The following CACNG2 variants were observed in gnomAD, a reference collection of about 807,000 sequenced individuals.
The protein encoded by CACNG2 is calcium voltage-gated channel auxiliary subunit gamma 2.
Under a neutral mutation model 25.9 loss-of-function variants are expected in CACNG2, and 3 were observed. The observed-to-expected ratio is 0.12, with a 90% CI of 0.05 to 0.30. CACNG2 has a LOEUF of 0.30. CACNG2 is among the 10% of genes least tolerant of loss of function. The pLI is 1.00. For synonymous variants in CACNG2, 167 were observed against 173.3 expected (o/e 0.96, Z 0.29); for missense variants, 341 against 432.5 (o/e 0.79, Z 1.88).
intron 1 of CACNG2, among the ~76,000 whole-genome samples, chr22:36,684,893 A>G (rs922206499): frequency 5.3e-5 from 8 of 152,156 alleles, no homozygotes; most frequent in East Asian, 1.9e-4. Context: ...CTGATGCCCA[A>G]ACTGGGCTCT....
At chr22:36,601,752 A>C (rs1040010815) in intron 1 of CACNG2, among the ~76,000 whole-genome samples, 1 of 152,184 alleles carries the variant, frequency 6.6e-6, no homozygotes, top group Non-Finnish European at 1.5e-5. Flanking sequence ...TGAAGGGCTG[A>C]GATTACAAGC....
At position 36,594,542 on chromosome 22, in the gene CACNG2, C is replaced by A. The variant is rs542285322; in HGVS notation, c.212-6994G>T. Among the ~76,000 whole-genome samples the A allele has an allele frequency of 2.0e-5, 3 of 152,280 alleles. No individual in the cohort carries two copies. The South Asian group carries it at 6.2e-4, about 32-fold the overall frequency. Reference sequence around the variant, plus strand: ...GATGACAGAGGAGAGTGGAGCGTGTCTGGGGCACACAGATGGAAGGTGTGT... The same window carrying A: ...GATGACAGAGGAGAGTGGAGCGTGTATGGGGCACACAGATGGAAGGTGTGT... On this transcript the variant is annotated intron_variant, in intron 1 of 3. Coordinates refer to ENST00000300105, the MANE Select transcript of CACNG2 (RefSeq NM_006078.5).
chr22:36,642,620 G>T (rs1248197268), intron 1 of CACNG2, among the ~76,000 whole-genome samples: 2 of 152,192 alleles, frequency 1.3e-5, no homozygotes, highest in Non-Finnish European at 2.9e-5. Context: ...TTTCGAGATT[G>T]GTTATTTTGA....
intron 1 of CACNG2, among the ~76,000 whole-genome samples, chr22:36,604,653 T>C (rs1382693575): frequency 1.3e-5 from 2 of 152,242 alleles, no homozygotes; most frequent in African/African-American, 2.4e-5. Context: ...AAAAAGATGA[T>C]GGCACACTGA....
chr22:36,625,643 T>G (rs1340051945), intron 1 of CACNG2, among the ~76,000 whole-genome samples: 2 of 152,204 alleles, frequency 1.3e-5, no homozygotes, highest in Non-Finnish European at 2.9e-5. Context: ...AAAAGGAAAC[T>G]GTATTATGCT....
rs1935233907 is a variant in CACNG2, at chr22:36,571,884, A to C, written c.296-5391T>G. Among the ~76,000 whole-genome samples the C allele has an allele frequency of 2.1e-5, 3 of 144,728 alleles. No individual in the cohort carries two copies. The Admixed American group carries it at 2.1e-4, about 10-fold the overall frequency. 94.9% of individuals were successfully genotyped at this position (144,728 alleles called of 152,430 possible). On this transcript the variant is annotated intron_variant, in intron 2 of 3. Coordinates refer to ENST00000300105, the MANE Select transcript of CACNG2 (RefSeq NM_006078.5). ...ACAGCAAGATTCTGTCTCAAAAACA[A>C]AAAAAAAAAAAAAAAGAATTAAATT...
At chr22:36,629,525 C>T (rs528302364) in intron 1 of CACNG2, among the ~76,000 whole-genome samples, 3 of 149,462 alleles carry the variant, frequency 2.0e-5, no homozygotes, top group East Asian at 2.0e-4. Context: ...TGTGTGTGTT[C>T]GTGTGTATGT....
intron 2 of CACNG2, among the ~76,000 whole-genome samples, chr22:36,572,876 A>G (rs1935255177): frequency 6.6e-6 from 1 of 152,178 alleles, no homozygotes; most frequent in African/African-American, 2.4e-5. Flanking sequence ...TCCAGTGAGC[A>G]AATATGGACT....
chr22:36,625,886 G>C (rs897177462), intron 1 of CACNG2, among the ~76,000 whole-genome samples: 4 of 152,110 alleles, frequency 2.6e-5, no homozygotes, highest in African/African-American at 9.7e-5. Context: ...AGCAGATTGA[G>C]CTAGCTACCT....
chr22:36,566,703 G>T (rs1024322731), intron 2 of CACNG2, among the ~76,000 whole-genome samples: 1 of 152,118 alleles, frequency 6.6e-6, no homozygotes, highest in Admixed American at 6.5e-5. Flanking sequence ...CTGCCTCCAG[G>T]GCCAAACTCC....
intron 1 of CACNG2, among the ~76,000 whole-genome samples, chr22:36,593,023 G>A (rs1935620268): frequency 6.6e-6 from 1 of 152,198 alleles, no homozygotes; most frequent in African/African-American, 2.4e-5. Context: ...GGGCCTTGGA[G>A]TTTATAGAAC....
At chr22:36,651,004 C>T (rs181073585) in intron 1 of CACNG2, among the ~76,000 whole-genome samples, 17 of 152,208 alleles carry the variant, frequency 1.1e-4, no homozygotes, top group African/African-American at 4.1e-4. Flanking sequence ...CTTCCCTGTT[C>T]ACTCTATATA....
intron 1 of CACNG2, among the ~76,000 whole-genome samples, chr22:36,655,536 G>A (rs1300322894): frequency 2.0e-5 from 3 of 152,096 alleles, no homozygotes; most frequent in African/African-American, 4.8e-5. Flanking sequence ...GTGTTTTATC[G>A]CCCTTTATAG....
At chr22:36,613,162 G>GTGTGTGTA (rs1935971981) in intron 1 of CACNG2, among the ~76,000 whole-genome samples, 1 of 116,548 alleles carries the variant, frequency 8.6e-6, no homozygotes, top group African/African-American at 3.4e-5. Flanking sequence ...CTCTCTGTGT[G>GTGTGTGTA]TGTGTGTGTG....
chr22:36,612,747 C>T (rs1369008228), intron 1 of CACNG2, among the ~76,000 whole-genome samples: 1 of 152,252 alleles, frequency 6.6e-6, no homozygotes, highest in Non-Finnish European at 1.5e-5. Context: ...CCCTCCACCA[C>T]CTTCCAGCTT....
At chr22:36,659,812 T>C (rs1359602904) in intron 1 of CACNG2, among the ~76,000 whole-genome samples, 1 of 152,016 alleles carries the variant, frequency 6.6e-6, no homozygotes, top group Admixed American at 6.5e-5. Context: ...ACCTTGAATA[T>C]CTGCGCGGCC....
At chr22:36,649,235 C>G (rs1278016346) in intron 1 of CACNG2, among the ~76,000 whole-genome samples, 1 of 152,170 alleles carries the variant, frequency 6.6e-6, no homozygotes, top group African/African-American at 2.4e-5. Context: ...CTCAGAGTCA[C>G]CCTCGACTCT....
At chr22:36,657,168 TG>T (rs1278182671) in intron 1 of CACNG2, among the ~76,000 whole-genome samples, 1 of 152,176 alleles carries the variant, frequency 6.6e-6, no homozygotes, top group African/African-American at 2.4e-5. Flanking sequence ...GGGATAATTG[TG>T]TATATGGATG....
intron 1 of CACNG2, among the ~76,000 whole-genome samples, chr22:36,608,803 TCA>T (rs1368109697): frequency 6.6e-6 from 1 of 152,224 alleles, no homozygotes; most frequent in Non-Finnish European, 1.5e-5. Flanking sequence ...ATTACCTATT[TCA>T]CAGTTTCTTG....
Sources: allele counts gnomAD v4.1 joint callset (sites outside exome capture counted in the v4.1 genomes callset), GRCh38; gene constraint gnomAD v4.1.1; transcripts MANE v1.5; gene names NCBI Gene and HGNC (gene_info 2026-07-23, HGNC 2026-07-21).